Variants in CPQ observed in about 807,000 individuals in gnomAD.
CPQ encodes carboxypeptidase Q, also known as Ser-Met dipeptidase.
In CPQ, 37 loss-of-function variants were observed where a neutral mutation model predicts 45.7. That is an observed-to-expected ratio of 0.81 (90% CI 0.62 to 1.07). The LOEUF (loss-of-function observed/expected upper bound fraction) is 1.07. Ranked by LOEUF, CPQ falls within the 50% of genes least tolerant of loss-of-function variation. The pLI is 0.00. For synonymous variants in CPQ, 186 were observed against 205.8 expected (o/e 0.90, Z 0.82); for missense variants, 537 against 572.9 (o/e 0.94, Z 0.64).
intron 1 of CPQ, among the ~76,000 whole-genome samples, chr8:96,675,050 A>T (rs1345469281): frequency 6.6e-6 from 1 of 152,102 alleles, no homozygotes; most frequent in African/African-American, 2.4e-5. Context: ...ATATTTGTTG[A>T]GAATTGAGAA....
At chr8:96,864,386 T>G (rs1428582044) in intron 3 of CPQ, among the ~76,000 whole-genome samples, 1 of 151,946 alleles carries the variant, frequency 6.6e-6, no homozygotes, top group African/African-American at 2.4e-5. Context: ...CACCCAAAGC[T>G]TTTCCTTCAC....
intron 1 of CPQ, among the ~76,000 whole-genome samples, chr8:96,707,289 T>C (rs572572398): frequency 1.3e-5 from 2 of 152,224 alleles, no homozygotes; most frequent in Non-Finnish European, 2.9e-5. Context: ...AATGTGGCTA[T>C]TGAACCTAAG....
In CPQ at chr8:97,108,517, G is replaced by A. The variant is rs78579466; in HGVS notation, c.1256-34503G>A. ...ATTTTATTTTTAAGTGTCAAAACAC[G>A]CAATTTCTTTTCAGATACTGAAACC... is the stretch of plus-strand genomic sequence containing the variant. On this transcript the variant is annotated intron_variant, in intron 7 of 7. Transcript: ENST00000220763. 1.1e-4 allele frequency among the ~76,000 whole-genome samples: 17 copies of A among 152,232 alleles called. No individual in the cohort carries two copies. In the East Asian group the frequency reaches 1.4e-3, roughly 12 times the overall value.
chr8:97,100,996 G>A lies in CPQ; in HGVS notation c.1255+34786G>A, dbSNP rs770456356. Among the ~76,000 whole-genome samples the A allele has an allele frequency of 3.3e-5, 5 of 152,094 alleles. 1 individual carries two copies. Among genetic ancestry groups the A allele is most frequent in the Non-Finnish European group, 2.9e-5 (2 of 67,986 alleles). Reference sequence around the variant, plus strand: ...CAGTCATTTCACAAAATTGTTATGCGGGAAGTAAAGATCCGTTCAGTCACT... The same window carrying A: ...CAGTCATTTCACAAAATTGTTATGCAGGAAGTAAAGATCCGTTCAGTCACT... On this transcript the variant is annotated intron_variant, in intron 7 of 7. Transcript: ENST00000220763.
At chr8:97,133,222 G>T (rs755586681) in intron 7 of CPQ, 1 of 152,082 alleles carries the variant, frequency 6.6e-6, no homozygotes, top group Admixed American at 6.6e-5. Context: ...TTATGCACAT[G>T]TAAATACATA....
At chr8:96,739,944 G>A (rs1810058251) in intron 1 of CPQ, among the ~76,000 whole-genome samples, 1 of 152,076 alleles carries the variant, frequency 6.6e-6, no homozygotes, top group African/African-American at 2.4e-5. Context: ...TGATGATGCG[G>A]GCTCTTTTTT....
intron 4 of CPQ, among the ~76,000 whole-genome samples, chr8:96,916,248 C>T (rs557375296): frequency 1.3e-5 from 2 of 152,210 alleles, no homozygotes; most frequent in South Asian, 4.2e-4. Flanking sequence ...CCTCCATCTT[C>T]CAGTTCCTAT....
At chr8:96,650,098 G>A (rs1815561229) in intron 1 of CPQ, among the ~76,000 whole-genome samples, 4 of 152,206 alleles carry the variant, frequency 2.6e-5, no homozygotes, top group Admixed American at 1.3e-4. Context: ...TTCTTTAATG[G>A]TAAGATATCC....
intron 2 of CPQ, among the ~76,000 whole-genome samples, chr8:96,795,181 AAAG>A (rs1485323058): frequency 2.6e-5 from 4 of 152,176 alleles, no homozygotes; most frequent in Admixed American, 2.6e-4. Context: ...TTTACAAAAG[AAAG>A]AGATTTACTA....
intron 5 of CPQ, among the ~76,000 whole-genome samples, chr8:96,974,537 A>T (rs1378777457): frequency 6.6e-6 from 1 of 152,144 alleles, no homozygotes; most frequent in Non-Finnish European, 1.5e-5. Context: ...TATTTACATG[A>T]CATTCTACCC....
In CPQ at chr8:96,966,193, T is replaced by C. The variant is rs189069877; in HGVS notation, c.961+147T>C. 619 of 556,474 alleles carry C rather than the reference T, an allele frequency of 1.1e-3. 9 individuals are homozygous for C. The Admixed American group carries it at 0.015, about 14-fold the overall frequency. The allele number at this position is 556,474 out of a possible 1,614,324, so 34.5% of individuals were successfully genotyped here. On this transcript the variant is annotated intron_variant, in intron 5 of 7. Transcript: ENST00000220763. ...TGATTCCCAGAAAAGAAACAACTTA[T>C]GCTCTTAAAGAAATTTTTATTCATG...
chr8:97,050,713 A>C (rs1810346270), intron 6 of CPQ, among the ~76,000 whole-genome samples: 1 of 152,068 alleles, frequency 6.6e-6, no homozygotes, highest in Admixed American at 6.6e-5. Context: ...AATTAGAAAA[A>C]TTGTGCTTAA....
At chr8:96,646,763 G>A (rs1322289301) in intron 1 of CPQ, among the ~76,000 whole-genome samples, 2 of 152,158 alleles carry the variant, frequency 1.3e-5, no homozygotes, top group Non-Finnish European at 2.9e-5. Context: ...TTGTATCAGG[G>A]TTAGAAGGTG....
chr8:96,992,331 T>A (rs1487781201), intron 5 of CPQ, among the ~76,000 whole-genome samples: 1 of 152,164 alleles, frequency 6.6e-6, no homozygotes, highest in Non-Finnish European at 1.5e-5. Flanking sequence ...TCTTAAGGAC[T>A]GAGGAGAAAG....
chr8:96,884,234 G>T (rs370077587), intron 4 of CPQ, among the ~76,000 whole-genome samples: 1 of 151,958 alleles, frequency 6.6e-6, no homozygotes, highest in East Asian at 1.9e-4. Flanking sequence ...CTACAGTCAG[G>T]TATCACATCC....
intron 6 of CPQ, among the ~76,000 whole-genome samples, chr8:97,044,129 C>T (rs994015061): frequency 1.2e-4 from 18 of 152,284 alleles, no homozygotes; most frequent in South Asian, 6.2e-4. Context: ...ACCAATCAGA[C>T]GTAGATTTGG....
chr8:96,891,840 A>G (rs187475360), intron 4 of CPQ, among the ~76,000 whole-genome samples: 73 of 152,322 alleles, frequency 4.8e-4, no homozygotes, highest in African/African-American at 1.7e-3. Flanking sequence ...ACATGCTTCT[A>G]TAGGGGCTCA....
chr8:96,882,444 G>C (rs1033002674), intron 4 of CPQ, among the ~76,000 whole-genome samples: 1 of 152,208 alleles, frequency 6.6e-6, no homozygotes, highest in African/African-American at 2.4e-5. Flanking sequence ...CCAGGGTAAA[G>C]TTATGTCATC....
intron 4 of CPQ, among the ~76,000 whole-genome samples, chr8:96,890,842 G>C (rs1812363386): frequency 6.6e-6 from 1 of 152,206 alleles, no homozygotes; most frequent in Non-Finnish European, 1.5e-5. Flanking sequence ...TGGGTCACTA[G>C]GGGTGATGGT....
Sources: gnomAD v4.1 joint callset for allele counts (sites outside exome capture counted in the v4.1 genomes callset) on GRCh38, gnomAD v4.1.1 for gene constraint, MANE v1.5 for transcripts, NCBI Gene and HGNC (gene_info 2026-07-23, HGNC 2026-07-21) for gene names.